TCF4: variants seen among roughly 807,000 people sequenced by gnomAD.
TCF4 encodes the protein SL3-3 enhancer factor 2.
Under a neutral mutation model 82.1 loss-of-function variants are expected in TCF4, and 3 were observed. The ratio of observed to expected loss-of-function variants is 0.04; its 90% CI spans 0.02 to 0.09. TCF4 has a LOEUF of 0.09. Ranked by LOEUF, TCF4 falls within the 10% of genes least tolerant of loss-of-function variation. The probability of loss-of-function intolerance (pLI) is 1.00; values close to 1 mark genes in which losing one functional copy is unlikely to be tolerated. For synonymous variants in TCF4, 276 were observed against 309.6 expected, an observed-to-expected ratio of 0.89 and a Z score of 1.14; for missense variants, 518 against 852.7, an observed-to-expected ratio of 0.61 and a Z score of 4.89.
intron 3 of TCF4, among the ~76,000 whole-genome samples, 154 bp from the exon 4 acceptor site, chr18:55,464,291 C>G (rs1271056933): frequency 6.6e-6 from 1 of 152,180 alleles, no homozygotes; most frequent in Non-Finnish European, 1.5e-5. Context: ...TCTGACCCAT[C>G]TACTTAAATT....
At chr18:55,613,459 A>T (rs2097709039) in intron 2 of TCF4, among the ~76,000 whole-genome samples, 1 of 152,208 alleles carries the variant, frequency 6.6e-6, no homozygotes, top group Non-Finnish European at 1.5e-5. Flanking sequence ...TCAGGTGTCC[A>T]TAGTCCATTC....
At chr18:55,519,813 G>C (rs2096918291) in intron 3 of TCF4, among the ~76,000 whole-genome samples, 2 of 152,148 alleles carry the variant, frequency 1.3e-5, no homozygotes, top group Non-Finnish European at 2.9e-5. Context: ...GAAAATCCAG[G>C]TAAGTGTCAT....
At chr18:55,393,719 AAGTG>A (rs2093321380) in intron 6 of TCF4, among the ~76,000 whole-genome samples, 1 of 152,328 alleles carries the variant, frequency 6.6e-6, no homozygotes, top group Middle Eastern at 3.4e-3. Context: ...AGGAAAACAA[AAGTG>A]AGAATGGATG....
Position 55,260,095 on chromosome 18 carries a change from C to A in TCF4, c.991-68G>T, listed in dbSNP as rs186827769. ...AAATAATTCACACTTTTCTAAACTA[C>A]GAAGTTGTCAACGCAATTCATTTAG... is the stretch of plus-strand genomic sequence containing the variant. On this transcript the variant is annotated intron_variant, in intron 12 of 19. Transcript: ENST00000354452. 2.4e-6 allele frequency: 3 copies of A among 1,238,914 alleles called. No homozygotes were observed. In the African/African-American group the frequency reaches 4.5e-5, roughly 18 times the overall value. 76.7% of individuals were successfully genotyped at this position (1,238,914 alleles called of 1,614,324 possible). A position where few individuals can be genotyped will look rare whatever the true frequency, so the allele number is the denominator to read the frequency against.
At chr18:55,553,207 T>C (rs1037230238) in intron 3 of TCF4, 1 of 152,214 alleles carries the variant, frequency 6.6e-6, no homozygotes, top group Non-Finnish European at 1.5e-5. Context: ...CATATATACA[T>C]ACATAGCAGT....
chr18:55,582,598 A>G (rs965350743), intron 3 of TCF4, among the ~76,000 whole-genome samples: 1 of 152,144 alleles, frequency 6.6e-6, no homozygotes, highest in African/African-American at 2.4e-5. Context: ...AGGAAAAACC[A>G]TGTTTGTGAA....
At chr18:55,595,463 G>A (rs1413030942) in intron 2 of TCF4, among the ~76,000 whole-genome samples, 1 of 152,152 alleles carries the variant, frequency 6.6e-6, no homozygotes, top group Non-Finnish European at 1.5e-5. Context: ...ACTGCGTAGT[G>A]CATAAGTATT....
intron 8 of TCF4, chr18:55,321,865 T>C: frequency 1.4e-6 from 2 of 1,460,406 alleles, no homozygotes; most frequent in South Asian, 2.8e-5. Flanking sequence ...GTGGTGAATA[T>C]GCAAAGCAGG....
At chr18:55,468,936 G>A (rs1211537696) in intron 3 of TCF4, among the ~76,000 whole-genome samples, 1 of 142,688 alleles carries the variant, frequency 7.0e-6, no homozygotes, top group Admixed American at 7.4e-5. Context: ...AGAATAAAGA[G>A]AAAGATATTA....
chr18:55,264,202 G>C (rs1271647756), intron 11 of TCF4, among the ~76,000 whole-genome samples: 1 of 152,142 alleles, frequency 6.6e-6, no homozygotes, highest in East Asian at 1.9e-4. Context: ...GAGATATTAT[G>C]ACTCAGGAAA....
intron 8 of TCF4, among the ~76,000 whole-genome samples, chr18:55,325,570 G>C (rs2076410364): frequency 1.3e-5 from 2 of 152,168 alleles, no homozygotes; most frequent in South Asian, 4.1e-4. Flanking sequence ...CTGAATAAAT[G>C]AATGAATGAA....
At chr18:55,622,201 T>C (rs911251491) in intron 2 of TCF4, among the ~76,000 whole-genome samples, 3 of 150,318 alleles carry the variant, frequency 2.0e-5, no homozygotes, top group Non-Finnish European at 4.4e-5. Flanking sequence ...TCTTCTTTTC[T>C]TTTATGTAGA....
chr18:55,513,520 GA>G (rs1407463103), intron 3 of TCF4, among the ~76,000 whole-genome samples: 12 of 149,366 alleles, frequency 8.0e-5, no homozygotes, highest in East Asian at 3.9e-4. Flanking sequence ...ATCTATTTTT[GA>G]AAAAAAAATT....
At chr18:55,258,962 CCT>C (rs992818003) in intron 13 of TCF4, among the ~76,000 whole-genome samples, 6 of 152,120 alleles carry the variant, frequency 3.9e-5, no homozygotes, top group Admixed American at 1.3e-4. Flanking sequence ...ATCCCACTGC[CCT>C]CTCTATTCTG....
chr18:55,491,709 TG>T (rs1459781169), intron 3 of TCF4, among the ~76,000 whole-genome samples: 5 of 152,220 alleles, frequency 3.3e-5, no homozygotes, highest in Non-Finnish European at 7.3e-5. Flanking sequence ...AATAGTTTAA[TG>T]GGCTCCGTTT....
intron 4 of TCF4, among the ~76,000 whole-genome samples, chr18:55,461,692 G>T (rs2958176): frequency 0.97 from 147,987 of 152,248 alleles, 72,087 homozygotes; most frequent in Middle Eastern, 1. Flanking sequence ...GGTTTAACTA[G>T]GATATGAACA....
intron 3 of TCF4, among the ~76,000 whole-genome samples, chr18:55,556,957 T>C (rs2097309886): frequency 6.6e-6 from 1 of 152,156 alleles, no homozygotes; most frequent in Non-Finnish European, 1.5e-5. Flanking sequence ...CTTCTCCCAT[T>C]CCCAACTTTA....
rs1378260066 is a variant in TCF4 at position 55,587,036 on chromosome 18, C to T, written c.72+9G>A. On this transcript the variant is annotated intron_variant, in intron 2 of 19. Transcript: ENST00000354452. ...ACAGCTGTTGTTAGTTTCCACCGTT[C>T]TTTCTTACCGCACTGAAATCCAGTA... The T allele has an allele frequency of 6.2e-7, 1 of 1,613,146 alleles. No homozygotes were observed. The highest frequency in any genetic ancestry group is 1.7e-5 in the Admixed American group (1 of 59,984).
intron 2 of TCF4, among the ~76,000 whole-genome samples, chr18:55,611,250 C>T (rs575648044): frequency 7.2e-5 from 11 of 152,146 alleles, no homozygotes; most frequent in Non-Finnish European, 1.5e-4. Flanking sequence ...TGTGACAGAT[C>T]ACAACACTAG....
Sources: gnomAD v4.1 joint callset for allele counts (sites outside exome capture counted in the v4.1 genomes callset) on GRCh38, gnomAD v4.1.1 for gene constraint, MANE v1.5 for transcripts, NCBI Gene and HGNC (gene_info 2026-07-23, HGNC 2026-07-21) for gene names.